The following CTNND1 variants were observed in gnomAD, a reference collection of about 807,000 sequenced individuals.
CTNND1 encodes catenin delta 1.
Under a neutral mutation model 112.1 loss-of-function variants are expected in CTNND1, and 16 were observed. The ratio of observed to expected loss-of-function variants is 0.14; its 90% CI spans 0.10 to 0.22. The LOEUF (loss-of-function observed/expected upper bound fraction) is 0.22. Among genes scored for constraint, CTNND1 ranks in the 10% least tolerant of loss-of-function variants. The pLI is 1.00. For synonymous variants in CTNND1, 420 were observed against 446.5 expected (o/e 0.94, Z 0.75); for missense variants, 1,008 against 1,257.0 (o/e 0.80, Z 3.00).
chr11:57,772,026 A>G (rs1376363628), intron 1 of CTNND1, among the ~76,000 whole-genome samples: 1 of 150,986 alleles, frequency 6.6e-6, no homozygotes, highest in Non-Finnish European at 1.5e-5. Context: ...CGCTCAAGCC[A>G]TCCTCCCACC....
chr11:57,812,540 T>G (rs931488118), intron 17 of CTNND1, among the ~76,000 whole-genome samples: 7 of 152,040 alleles, frequency 4.6e-5, no homozygotes, highest in Non-Finnish European at 7.4e-5. Context: ...AAAAAATCAC[T>G]TTTATTGTTT....
At position 57,794,077 on chromosome 11, in the gene CTNND1, C is replaced by A. The variant is rs2061067607; in HGVS notation, c.263C>A (p.Pro88His). ...QKFSDLKLNG[P>H]QDHSHLLYST... ...TTTTCAGATTTGAAACTCAACGGAC[C>A]CCAGGTAATTCTTTGGCTCAAGACC... The change falls in exon 4 of 21, where the codon CCC becomes CAC. Residue 88 changes from proline to histidine, a missense_variant. This residue lies in a region of CTNND1 where 404 missense variants were observed against 457.9 expected (regional missense o/e 0.88). Coordinates refer to ENST00000399050, the MANE Select transcript of CTNND1 (RefSeq NM_001085458.2). The A allele has an allele frequency of 6.2e-7, 1 of 1,613,800 alleles. No homozygotes were observed.
Position 57,797,317 on chromosome 11 carries a change from G to A in CTNND1, c.956+325G>A, listed in dbSNP as rs1484852468. On this transcript the variant is annotated intron_variant, in intron 6 of 20. Transcript: ENST00000399050. ...GCCATCTTGGCTCACTGCCACCTCC[G>A]CCTCCTGGGTTCAAGTGATTCTCAT... Among the ~76,000 whole-genome samples, 5 of 148,486 alleles carry A rather than the reference G, an allele frequency of 3.4e-5. 1 individual carries two copies. The South Asian group carries it at 6.3e-4, about 19-fold the overall frequency.
At position 57,816,288 on chromosome 11, in the gene CTNND1, T is replaced by C; in HGVS notation, c.2896-9T>C. 6.2e-7 allele frequency: 1 copy of C among 1,613,658 alleles called. No individual in the cohort carries two copies. Among genetic ancestry groups the C allele is most frequent in the Non-Finnish European group, 8.5e-7 (1 of 1,179,684 alleles). On this transcript the variant is annotated splice_polypyrimidine_tract_variant and intron_variant, in intron 20 of 20. Transcript: ENST00000399050. ...ATTAACATTCTCTCTTTCTCTTTTT[T>C]CTCCACAGCAGAAGATTTAGCACCA...
At chr11:57,807,314 A>T (rs562266818) in intron 12 of CTNND1, among the ~76,000 whole-genome samples, 10 of 152,322 alleles carry the variant, frequency 6.6e-5, no homozygotes, top group African/African-American at 2.4e-4. Flanking sequence ...ACCAAGAAAG[A>T]TACTTTTTAG....
At chr11:57,771,199 C>G (rs931517993) in intron 1 of CTNND1, among the ~76,000 whole-genome samples, 1 of 151,336 alleles carries the variant, frequency 6.6e-6, no homozygotes, top group African/African-American at 2.4e-5. Context: ...CATCTCCATT[C>G]AAAAGAAATT....
Position 57,788,213 on chromosome 11 carries a change from G to GC in CTNND1, c.-213-823dup, listed in dbSNP as rs2060330336. Among the ~76,000 whole-genome samples the GC allele has an allele frequency of 6.6e-6, 1 of 152,074 alleles. No homozygotes were observed. Among genetic ancestry groups the GC allele is most frequent in the Non-Finnish European group, 1.5e-5 (1 of 68,002 alleles). On this transcript the variant is annotated intron_variant, in intron 1 of 20. Transcript: ENST00000399050. The surrounding 1 kb of genome is among the most constrained non-coding windows in gnomAD (Gnocchi z 4.1). ...CTTAAGAAATGGAGATGAAAGGGGA[G>GC]CACCTTTTTTTTTAAAATAAGGGTG...
chr11:57,806,576 C>T (rs2062697087), intron 11 of CTNND1, 98 bp downstream of exon 11: 3 of 1,136,854 alleles, frequency 2.6e-6, no homozygotes, highest in African/African-American at 1.6e-5. Context: ...CCTGTCTATG[C>T]ATGTAGGAAA....
chr11:57,816,505 T>TC lies in CTNND1; in HGVS notation c.*202dup, dbSNP rs527340024. ...TGTGAAGTTTAATTGTCTCAACGCC[T>TC]CCCCCTCCCCCATTCCCTCCATTTT... On this transcript the variant is annotated 3_prime_UTR_variant, in exon 21 of 21. Coordinates refer to ENST00000399050, the MANE Select transcript of CTNND1 (RefSeq NM_001085458.2). 4.4e-4 allele frequency: 267 copies of TC among 612,176 alleles called. 1 individual carries two copies. The African/African-American group carries it at 4.4e-3, about 10-fold the overall frequency. The allele number at this position is 612,176 out of a possible 1,614,324, so 37.9% of individuals were successfully genotyped here.
chr11:57,783,929 A>G (rs1426596413), intron 1 of CTNND1, among the ~76,000 whole-genome samples: 4 of 151,662 alleles, frequency 2.6e-5, no homozygotes, highest in Non-Finnish European at 5.9e-5. Flanking sequence ...TTATTTATTT[A>G]CGTATTTATT....
intron 14 of CTNND1, among the ~76,000 whole-genome samples, chr11:57,809,039 G>A (rs1411615731): frequency 6.6e-6 from 1 of 152,254 alleles, no homozygotes; most frequent in African/African-American, 2.4e-5. Context: ...TTAATATACA[G>A]TATTTACACT....
chr11:57,786,369 T>G (rs1163109317), intron 1 of CTNND1, among the ~76,000 whole-genome samples: 1 of 151,688 alleles, frequency 6.6e-6, no homozygotes, highest in Non-Finnish European at 1.5e-5. Context: ...CCGTCTCCAC[T>G]AAAAATACAA....
chr11:57,803,863 C>CT, intron 8 of CTNND1, 59 bp downstream of exon 8: 1 of 1,204,726 alleles, frequency 8.3e-7, no homozygotes, highest in Non-Finnish European at 1.1e-6. Flanking sequence ...CTTAAATTTC[C>CT]TAAAAAAAAA....
At chr11:57,813,941 T>C (rs563370992) in intron 17 of CTNND1, 110 of 164,484 alleles carry the variant, frequency 6.7e-4, no homozygotes, top group Middle Eastern at 3.0e-3. Flanking sequence ...TAGATCCTTA[T>C]AATTTTTAAG....
chr11:57,810,332 T>G (rs1207715303), intron 16 of CTNND1, 109 bp downstream of exon 16: 1 of 768,912 alleles, frequency 1.3e-6, no homozygotes, highest in Non-Finnish European at 1.9e-6. Flanking sequence ...AAACCTATTT[T>G]TTTTTTCTTT....
In CTNND1 at chr11:57,805,949, C is replaced by T. The variant is rs769218651; in HGVS notation, c.1790C>T (p.Ala597Val). ...CAAGTTCACCGGGAGATCCCACAGG[C>T]AGAGCGTTACCAAGAGGCAGCTCCC... ...SYQVHREIPQ[A>V]ERYQEAAPNV... Residue 597 changes from alanine to valine, a missense_variant, in exon 10 of 21, where the codon GCA (alanine) becomes GTA (valine). Around this residue, in one of 5 missense-constraint regions of CTNND1, gnomAD observed 254 missense variants for 279.5 expected, o/e 0.91. Transcript: ENST00000399050. The T allele has an allele frequency of 2.5e-6, 4 of 1,613,444 alleles. No individual in the cohort carries two copies. Among genetic ancestry groups the T allele is most frequent in the Admixed American group, 3.3e-5 (2 of 59,960 alleles).
chr11:57,816,244 T>G, intron 20 of CTNND1, 53 bp from the exon 21 acceptor site: 2 of 1,609,062 alleles, frequency 1.2e-6, no homozygotes, highest in East Asian at 4.5e-5. Flanking sequence ...TTGGGGGGGG[T>G]CTCCTTAATC....
At chr11:57,764,072 T>C (rs556841556) in intron 1 of CTNND1, 14 of 152,356 alleles carry the variant, frequency 9.2e-5, no homozygotes, top group African/African-American at 2.6e-4. Context: ...AGTAAATCTT[T>C]TATTTTTTAA....
At chr11:57,803,970 A>T (rs948964512) in intron 8 of CTNND1, 166 bp downstream of exon 8, 2 of 537,754 alleles carry the variant, frequency 3.7e-6, no homozygotes, top group Non-Finnish European at 6.4e-6. Flanking sequence ...CTATTCTCTC[A>T]TGTATACCAC....
Sources: gnomAD v4.1 joint callset for allele counts (sites outside exome capture counted in the v4.1 genomes callset) on GRCh38, gnomAD v4.1.1 for gene constraint, gnomAD v4.1.1 regional missense constraint, Gnocchi (gnomAD v3.1) non-coding constraint, MANE v1.5 for transcripts, NCBI Gene and HGNC (gene_info 2026-07-23, HGNC 2026-07-21) for gene names.